The following SEMA6D variants were observed in gnomAD, a reference collection of about 807,000 sequenced individuals.
SEMA6D encodes the protein semaphorin 6D, also known as semaphorin-6D.
In SEMA6D, 35 loss-of-function variants were observed where a neutral mutation model predicts 106.6. The observed-to-expected ratio is 0.33, with a 90% CI of 0.25 to 0.44. The LOEUF is 0.44. Ranked by LOEUF, SEMA6D falls within the 20% of genes least tolerant of loss-of-function variation. The pLI is 1.00. For synonymous variants in SEMA6D, 499 were observed against 487.7 expected, an observed-to-expected ratio of 1.02 and a Z score of -0.31; for missense variants, 1,185 against 1,345.9, an observed-to-expected ratio of 0.88 and a Z score of 1.87.
At chr15:47,569,167 C>A (rs749184212) in intron 3 of SEMA6D, among the ~76,000 whole-genome samples, 1 of 152,086 alleles carries the variant, frequency 6.6e-6, no homozygotes, top group Non-Finnish European at 1.5e-5. Flanking sequence ...GGTAACTATA[C>A]CTTTTCACCT....
intron 2 of SEMA6D, among the ~76,000 whole-genome samples, chr15:47,431,348 A>T (rs1346899647): frequency 1.3e-5 from 2 of 152,150 alleles, no homozygotes; most frequent in African/African-American, 4.8e-5. Flanking sequence ...TCAAAGCACA[A>T]TTTGAGCATA....
chr15:47,389,534 A>C (rs1364222356), intron 1 of SEMA6D, among the ~76,000 whole-genome samples: 5 of 152,210 alleles, frequency 3.3e-5, no homozygotes, highest in Non-Finnish European at 7.4e-5. Context: ...ACTTTAATGT[A>C]CTTAGAGGTT....
intron 4 of SEMA6D, among the ~76,000 whole-genome samples, chr15:47,662,178 A>G (rs1359595980): frequency 1.3e-5 from 2 of 152,126 alleles, no homozygotes; most frequent in African/African-American, 4.8e-5. Context: ...ACAGAGATGC[A>G]ATGTTGGAGC....
At position 47,298,124 on chromosome 15, in the gene SEMA6D, A is replaced by T. The variant is rs1176228261; in HGVS notation, c.-239+113706A>T. Among the ~76,000 whole-genome samples, 8 of 152,298 alleles carry T rather than the reference A, an allele frequency of 5.3e-5. No homozygotes were observed. The East Asian group carries it at 1.5e-3, about 30-fold the overall frequency. On this transcript the variant is annotated intron_variant, in intron 1 of 19. Coordinates refer to the SEMA6D transcript ENST00000558014. The stretch of plus-strand genomic sequence containing the variant: ...GGGAACAGTTAATGACTAAGGCAGT[A>T]TTGGTAAGTAATGGGAATGATGTGG...
chr15:47,200,608 C>A (rs1236433195), intron 1 of SEMA6D, among the ~76,000 whole-genome samples: 1 of 152,080 alleles, frequency 6.6e-6, no homozygotes, highest in Non-Finnish European at 1.5e-5. Context: ...GCTATTCTAA[C>A]CAGCTTTAAA....
At chr15:47,405,224 G>A (rs898350094) in intron 1 of SEMA6D, among the ~76,000 whole-genome samples, 2 of 152,138 alleles carry the variant, frequency 1.3e-5, no homozygotes, top group African/African-American at 4.8e-5. Flanking sequence ...TAGTAGCAGG[G>A]AGGAGGGATG....
chr15:47,447,456 G>C (rs138951164), intron 2 of SEMA6D, among the ~76,000 whole-genome samples: 1 of 152,212 alleles, frequency 6.6e-6, no homozygotes, highest in East Asian at 1.9e-4. Context: ...CAAAAGGACT[G>C]GGATTGGGGA....
intron 2 of SEMA6D, among the ~76,000 whole-genome samples, chr15:47,426,182 GT>G (rs1254793206): frequency 2.0e-5 from 3 of 151,888 alleles, no homozygotes; most frequent in Non-Finnish European, 4.4e-5. Context: ...TTTAATTTAT[GT>G]TTTTAGAGAT....
intron 4 of SEMA6D, among the ~76,000 whole-genome samples, chr15:47,702,956 C>A (rs1471913404): frequency 6.6e-6 from 1 of 152,060 alleles, no homozygotes; most frequent in Non-Finnish European, 1.5e-5. Context: ...ATGCATTCAT[C>A]CAAACTCCTA....
At chr15:47,499,051 C>T (rs774286297) in intron 3 of SEMA6D, among the ~76,000 whole-genome samples, 1 of 152,154 alleles carries the variant, frequency 6.6e-6, no homozygotes, top group Non-Finnish European at 1.5e-5. Flanking sequence ...TGTGCACTTG[C>T]TGTGCACCTT....
intron 1 of SEMA6D, among the ~76,000 whole-genome samples, chr15:47,257,394 T>C (rs1276892244): frequency 6.6e-6 from 1 of 152,216 alleles, no homozygotes; most frequent in Non-Finnish European, 1.5e-5. Flanking sequence ...ACTTCAATTA[T>C]TGATTTGAAA....
At chr15:47,428,200 A>G (rs1039149375) in intron 2 of SEMA6D, among the ~76,000 whole-genome samples, 1 of 152,146 alleles carries the variant, frequency 6.6e-6, no homozygotes, top group Non-Finnish European at 1.5e-5. Context: ...AGATAAATAA[A>G]TCAACCACTG....
chr15:47,394,601 G>A (rs1279047076), intron 1 of SEMA6D, among the ~76,000 whole-genome samples: 1 of 152,136 alleles, frequency 6.6e-6, no homozygotes, highest in Admixed American at 6.5e-5. Flanking sequence ...ACATCAGTGG[G>A]AATCCTAAAT....
intron 3 of SEMA6D, among the ~76,000 whole-genome samples, chr15:47,551,356 T>C (rs531469951): frequency 6.6e-6 from 1 of 152,136 alleles, no homozygotes; most frequent in Non-Finnish European, 1.5e-5. Context: ...GGGGAAGGGA[T>C]GGACTGAATG....
intron 3 of SEMA6D, among the ~76,000 whole-genome samples, chr15:47,497,374 G>A (rs575221971): frequency 1.3e-5 from 2 of 149,648 alleles, no homozygotes; most frequent in Admixed American, 1.3e-4. Flanking sequence ...TTATTTCTTT[G>A]TTCCTTCCCT....
intron 1 of SEMA6D, among the ~76,000 whole-genome samples, chr15:47,378,466 A>C (rs2145566782): frequency 6.6e-6 from 1 of 152,306 alleles, no homozygotes; most frequent in Non-Finnish European, 1.5e-5. Flanking sequence ...ACTGCACTCC[A>C]GCCTGGGTGA....
intron 1 of SEMA6D, among the ~76,000 whole-genome samples, chr15:47,221,178 A>G (rs970656265): frequency 1.3e-5 from 2 of 152,182 alleles, no homozygotes; most frequent in African/African-American, 4.8e-5. Flanking sequence ...TGTAGAAGAT[A>G]AAAGAACAGG....
intron 2 of SEMA6D, among the ~76,000 whole-genome samples, chr15:47,437,475 T>C (rs1275148446): frequency 1.3e-5 from 2 of 152,140 alleles, no homozygotes; most frequent in African/African-American, 2.4e-5. Flanking sequence ...AAATAAATTG[T>C]GTAAATTTTC....
intron 2 of SEMA6D, among the ~76,000 whole-genome samples, chr15:47,467,663 T>C (rs2042705371): frequency 6.6e-6 from 1 of 152,188 alleles, no homozygotes; most frequent in Non-Finnish European, 1.5e-5. Context: ...TGTTTCTCTC[T>C]TTTTTACACA....
Sources: allele counts gnomAD v4.1 joint callset (sites outside exome capture counted in the v4.1 genomes callset), GRCh38; gene constraint gnomAD v4.1.1; transcripts MANE v1.5; gene names NCBI Gene and HGNC (gene_info 2026-07-23, HGNC 2026-07-21).